Variants in EHMT1 observed in about 807,000 individuals in gnomAD.
The protein encoded by EHMT1 is histone-lysine N-methyltransferase EHMT1.
A neutral mutation model predicts 147.2 loss-of-function variants in EHMT1; 15 were observed. That is an observed-to-expected ratio of 0.10 (90% confidence interval 0.07 to 0.16). The LOEUF (loss-of-function observed/expected upper bound fraction) is 0.16, where lower values mean the gene tolerates loss of function less well. Among genes scored for constraint, EHMT1 ranks in the 10% least tolerant of loss-of-function variants. The pLI is 1.00. For missense variants in EHMT1, 1,587 were observed against 1,772.4 expected, an observed-to-expected ratio of 0.90 and a Z score of 1.88; for synonymous variants, 795 against 709.6, an observed-to-expected ratio of 1.12 and a Z score of -1.91.
rs1160822224 is a variant in EHMT1, at chr9:137,834,782, T to C, written c.3726T>C (p.Tyr1242=). ...IEAGEQLGFD[Y]GERFWDIKGK... is the part of the protein sequence containing the mutation. Reference sequence around the variant, plus strand: ...TCTGTTCCCTCCCCAGGTTTGACTATGGAGAGCGCTTCTGGGACATCAAAG... The same window carrying C: ...TCTGTTCCCTCCCCAGGTTTGACTACGGAGAGCGCTTCTGGGACATCAAAG... Residue 1242 remains tyrosine, a synonymous_variant, in exon 27 of 27, where the codon TAT becomes TAC. Coordinates refer to ENST00000460843, the MANE Select transcript of EHMT1 (RefSeq NM_024757.5). The C allele has an allele frequency of 6.2e-6, 10 of 1,613,324 alleles. No individual in the cohort carries two copies. Among genetic ancestry groups the C allele is most frequent in the Non-Finnish European group, 7.6e-6 (9 of 1,179,746 alleles).
intron 18 of EHMT1, among the ~76,000 whole-genome samples, chr9:137,810,007 G>A (rs1954297637): frequency 8.6e-6 from 1 of 116,876 alleles, no homozygotes; most frequent in Non-Finnish European, 1.6e-5. Flanking sequence ...GCTGCCCCTC[G>A]TGGACTGTGG....
intron 14 of EHMT1, among the ~76,000 whole-genome samples, chr9:137,781,032 C>CGGGAT (rs1951431010): frequency 7.7e-6 from 1 of 130,204 alleles, no homozygotes; most frequent in African/African-American, 3.2e-5. Context: ...GACGCCGAGA[C>CGGGAT]GTGTGGTGAT....
intron 1 of EHMT1, among the ~76,000 whole-genome samples, chr9:137,627,489 C>A (rs1022723438): frequency 4.0e-5 from 6 of 149,188 alleles, no homozygotes; most frequent in Non-Finnish European, 7.4e-5. Context: ...GGTCTCAAAC[C>A]CCTGATCTCA....
intron 5 of EHMT1, 59 bp downstream of exon 5, chr9:137,743,587 G>C: frequency 6.2e-7 from 1 of 1,611,594 alleles, no homozygotes; most frequent in Non-Finnish European, 8.5e-7. Flanking sequence ...TCTGTGTTCA[G>C]GGCCTCGTTA....
chr9:137,799,689 C>G lies in EHMT1; in HGVS notation c.2607+775C>G, dbSNP rs528757483. On this transcript the variant is annotated intron_variant, in intron 17 of 26. Coordinates refer to ENST00000460843, the MANE Select transcript of EHMT1 (RefSeq NM_024757.5). ...ACTCCTTCCTTCAGGAGGCTTGGTC[C>G]GAGTCTTTTTAGCCCAGTGGTTGCC... Among the ~76,000 whole-genome samples the G allele has an allele frequency of 3.9e-5, 6 of 152,346 alleles. No homozygotes were observed. The South Asian group carries it at 6.2e-4, about 16-fold the overall frequency.
At chr9:137,809,884 GT>G (rs1954280732) in intron 18 of EHMT1, among the ~76,000 whole-genome samples, 1 of 149,642 alleles carries the variant, frequency 6.7e-6, no homozygotes, top group African/African-American at 2.5e-5. Flanking sequence ...TCGGTGATGG[GT>G]CCGGAGGCGG....
chr9:137,791,005 G>A, intron 16 of EHMT1, 35 bp downstream of exon 16: 1 of 1,614,158 alleles, frequency 6.2e-7, no homozygotes. Flanking sequence ...GTCCTAGTGT[G>A]TGTGTAGACG....
intron 24 of EHMT1, chr9:137,817,743 A>G: frequency 3.1e-6 from 2 of 653,758 alleles, no homozygotes; most frequent in South Asian, 3.8e-5. Flanking sequence ...GCATTTAAGA[A>G]GGCGTGGTCC....
intron 25 of EHMT1, among the ~76,000 whole-genome samples, chr9:137,825,340 A>T (rs1955738070): frequency 6.6e-6 from 1 of 152,194 alleles, no homozygotes; most frequent in Admixed American, 6.5e-5. Flanking sequence ...CCCCACTCCG[A>T]GCCACGGCCA....
chr9:137,811,264 G>A (rs1954460488), intron 18 of EHMT1, among the ~76,000 whole-genome samples, 197 bp from the exon 19 acceptor site: 2 of 152,064 alleles, frequency 1.3e-5, no homozygotes, highest in South Asian at 4.2e-4. Flanking sequence ...ATGAAACGAA[G>A]TGCCTTCCAG....
chr9:137,694,923 G>C (rs146464381), intron 1 of EHMT1, among the ~76,000 whole-genome samples: 1 of 152,222 alleles, frequency 6.6e-6, no homozygotes, highest in Non-Finnish European at 1.5e-5. Flanking sequence ...CAGCATATTA[G>C]TGGCGGTAAG....
At chr9:137,702,935 G>T in intron 1 of EHMT1, among the ~76,000 whole-genome samples, 1 of 152,338 alleles carries the variant, frequency 6.6e-6, no homozygotes, top group African/African-American at 2.4e-5. Context: ...CACCACAGAT[G>T]TATGGATGAT....
chr9:137,743,996 A>G lies in EHMT1; in HGVS notation c.1076A>G (p.Asp359Gly), dbSNP rs1327678176. Residue 359 changes from aspartate (D) to glycine (G), a missense_variant, in exon 6 of 27, where the codon GAC becomes GGC. Asp to Gly is a moderately conservative substitution (Grantham distance 94, BLOSUM62 -1). Transcript: ENST00000460843. ...DEDDSEELEE[D>G]DGHGAEQAAA... is the part of the protein sequence containing the mutation. The stretch of plus-strand genomic sequence containing the variant: ...GACGACTCAGAGGAGCTCGAGGAGG[A>G]CGACGGCCATGGTGCAGAGCAGGCG... The G allele has an allele frequency of 1.9e-6, 3 of 1,613,970 alleles. No individual in the cohort carries two copies. The highest frequency in any genetic ancestry group is 1.3e-5 in the African/African-American group (1 of 74,942).
chr9:137,647,544 G>A (rs1844986818), intron 1 of EHMT1, among the ~76,000 whole-genome samples: 4 of 151,030 alleles, frequency 2.6e-5, no homozygotes, highest in African/African-American at 4.9e-5. Flanking sequence ...TTTGCCAGGC[G>A]TTGCTGCTCT....
At position 137,711,885 on chromosome 9, in the gene EHMT1, T is replaced by C. The variant is rs114668574; in HGVS notation, c.85+855T>C. Among the ~76,000 whole-genome samples, 686 of 152,298 alleles carry C rather than the reference T, an allele frequency of 4.5e-3. 4 individuals carry two copies. The highest frequency in any genetic ancestry group is 0.015 in the African/African-American group (618 of 41,572). On this transcript the variant is annotated intron_variant, in intron 2 of 26. Coordinates refer to ENST00000460843, the MANE Select transcript of EHMT1 (RefSeq NM_024757.5). The stretch of plus-strand genomic sequence containing the variant: ...TAAGGCTCTCCCAGCTGGAGCCTGC[T>C]CCTCTCCAGACAGCGCGCAAGGCCT...
chr9:137,735,766 C>T (rs748200651), intron 4 of EHMT1, among the ~76,000 whole-genome samples: 22 of 152,254 alleles, frequency 1.4e-4, no homozygotes, highest in Admixed American at 2.6e-4. Flanking sequence ...AGTGAATTCT[C>T]GCTCTTAGTT....
chr9:137,687,632 G>A (rs1195020163), intron 1 of EHMT1, among the ~76,000 whole-genome samples: 1 of 152,176 alleles, frequency 6.6e-6, no homozygotes, highest in Admixed American at 6.5e-5. Context: ...AATGGGATTA[G>A]TGCCTTAGAA....
At position 137,835,025 on chromosome 9, in the gene EHMT1, G is replaced by C; in HGVS notation, c.*72G>C. On this transcript the variant is annotated 3_prime_UTR_variant, in exon 27 of 27. Transcript: ENST00000460843. The stretch of plus-strand genomic sequence containing the variant: ...CGCCGATTAGAGGACGAGGAGGAGA[G>C]ATTCCGCACGCAACCGAAAGGGTCC... 7.4e-7 allele frequency: 1 copy of C among 1,342,634 alleles called. No homozygotes were observed. Among genetic ancestry groups the C allele is most frequent in the Non-Finnish European group, 9.5e-7 (1 of 1,050,990 alleles). 83.2% of individuals were successfully genotyped at this position (1,342,634 alleles called of 1,614,324 possible).
intron 1 of EHMT1, among the ~76,000 whole-genome samples, chr9:137,653,525 T>C (rs548369344): frequency 1.7e-4 from 26 of 152,056 alleles, no homozygotes; most frequent in Non-Finnish European, 3.1e-4. Context: ...CTTGATTTTC[T>C]CTTTCTTTTT....
Sources: allele counts gnomAD v4.1 joint callset (sites outside exome capture counted in the v4.1 genomes callset), GRCh38; gene constraint gnomAD v4.1.1; transcripts MANE v1.5; gene names NCBI Gene and HGNC (gene_info 2026-07-23, HGNC 2026-07-21).